LINS1: variants seen among roughly 807,000 people sequenced by gnomAD.
LINS1 encodes the protein protein Lines homolog 1.
LINS1 carries 27 observed loss-of-function variants against 41.6 expected under a neutral mutation model. The observed-to-expected ratio is 0.65, with a 90% CI of 0.48 to 0.89. The LOEUF (loss-of-function observed/expected upper bound fraction) is 0.89, where lower values mean the gene tolerates loss of function less well. LINS1 is among the 40% of genes least tolerant of loss of function. LINS1 has a pLI of 0.00. For missense variants in LINS1, 955 were observed against 884.1 expected (o/e 1.08, Z -1.02); for synonymous variants, 336 against 312.9 (o/e 1.07, Z -0.78).
At chr15:100,572,710 TG>T (rs1263207508) in intron 5 of LINS1, 1 of 986,154 alleles carries the variant, frequency 1.0e-6, no homozygotes, top group African/African-American at 1.7e-5. Context: ...TCACTGAATC[TG>T]TATGCTGCCT....
At chr15:100,572,491 T>C in intron 5 of LINS1, 14 of 1,068,236 alleles carry the variant, frequency 1.3e-5, no homozygotes, top group Non-Finnish European at 1.6e-5. Context: ...TATTTTTTGT[T>C]TGTTTAAAGC....
At chr15:100,571,325 T>C (rs373698792) in intron 6 of LINS1, among the ~76,000 whole-genome samples, 10 of 152,242 alleles carry the variant, frequency 6.6e-5, no homozygotes, top group African/African-American at 2.4e-4. Context: ...ATTAGCTTCA[T>C]AACCAATTAT....
intron 1 of LINS1, among the ~76,000 whole-genome samples, chr15:100,598,668 C>T (rs1463485397): frequency 6.6e-6 from 1 of 152,200 alleles, no homozygotes; most frequent in African/African-American, 2.4e-5. Context: ...CTGTGATGAC[C>T]AAGGTCTGAA....
chr15:100,600,732 T>G (rs1280308550), intron 1 of LINS1, among the ~76,000 whole-genome samples: 1 of 152,122 alleles, frequency 6.6e-6, no homozygotes, highest in Non-Finnish European at 1.5e-5. Context: ...TGCTGGGAAG[T>G]ATAATGGGAC....
rs112481503 is a variant in LINS1, at chr15:100,582,581, T to C, written c.-103-1636A>G. Reference sequence around the variant, plus strand: ...GCCCACTAGCCTAGTCTTGGTCTTATACTGGGTCTTCCATCTACAACATGG... The same window carrying C: ...GCCCACTAGCCTAGTCTTGGTCTTACACTGGGTCTTCCATCTACAACATGG... On this transcript the variant is annotated intron_variant, in intron 1 of 6. Coordinates refer to ENST00000314742, the MANE Select transcript of LINS1 (RefSeq NM_001040616.3). Among the ~76,000 whole-genome samples, 75 of 103,188 alleles carry C rather than the reference T, an allele frequency of 7.3e-4. 1 individual carries two copies. Among genetic ancestry groups the C allele is most frequent in the East Asian group, 2.4e-3 (5 of 2,064 alleles). 67.7% of individuals were successfully genotyped at this position (103,188 alleles called of 152,430 possible). A position where few individuals can be genotyped will look rare whatever the true frequency, so the allele number is the denominator to read the frequency against.
Position 100,572,056 on chromosome 15 carries a change from TG to T in LINS1, c.1231del (p.Gln411ArgfsTer8). Reference sequence around the variant, plus strand: ...GGTCAGTAACTCAGACATGAACCTCTGTAAGTCAACTTCAAAAAATGAAAAT... The same window carrying T: ...GGTCAGTAACTCAGACATGAACCTCTTAAGTCAACTTCAAAAAATGAAAAT... Reference protein sequence around the residue: ...SSASEVKVDLQRFMSELLTFL... With the variant: ...SSASEVKVDLXRFMSELLTFL... On this transcript the variant is annotated frameshift_variant, in exon 6 of 7. Transcript: ENST00000314742. LOFTEE classifies it high-confidence loss of function. 3 of 1,614,196 alleles carry T rather than the reference TG, an allele frequency of 1.9e-6. No homozygotes were observed. Among genetic ancestry groups the T allele is most frequent in the Non-Finnish European group, 2.5e-6 (3 of 1,180,020 alleles).
chr15:100,600,560 A>AAAAAAAAAC (rs2039440867), intron 1 of LINS1, among the ~76,000 whole-genome samples: 1 of 114,436 alleles, frequency 8.7e-6, no homozygotes, highest in Non-Finnish European at 2.0e-5. Context: ...GCAAAAAAAA[A>AAAAAAAAAC]AAAAAAAAAA....
Position 100,573,791 on chromosome 15 carries a change from A to G in LINS1, c.1082T>C (p.Phe361Ser). Residue 361 changes from phenylalanine to serine, a missense_variant, in exon 5 of 7, where the codon TTT becomes TCT. By Grantham distance (155) the Phe-to-Ser change is radical. Coordinates refer to ENST00000314742, the MANE Select transcript of LINS1 (RefSeq NM_001040616.3). Reference sequence around the variant, plus strand: ...AGGTTGAACTTCATCACCTCCAAAAAAGGAATGTTTTTCATAAACAGACAG... The same window carrying G: ...AGGTTGAACTTCATCACCTCCAAAAGAGGAATGTTTTTCATAAACAGACAG... ...KTLSVYEKHS[F>S]FGGDEVQPEC... The G allele has an allele frequency of 6.2e-7, 1 of 1,614,216 alleles. No individual in the cohort carries two copies. The highest frequency in any genetic ancestry group is 8.5e-7 in the Non-Finnish European group (1 of 1,180,032).
chr15:100,575,772 A>G (rs1442669523), intron 3 of LINS1, among the ~76,000 whole-genome samples: 1 of 152,224 alleles, frequency 6.6e-6, no homozygotes, highest in Non-Finnish European at 1.5e-5. Flanking sequence ...ACATAGTTGG[A>G]AGTAAAGCAC....
chr15:100,577,215 T>C (rs1053364927), intron 3 of LINS1, among the ~76,000 whole-genome samples: 10 of 152,138 alleles, frequency 6.6e-5, no homozygotes, highest in African/African-American at 2.2e-4. Context: ...GGTATTCAAC[T>C]AGGAAAAGAG....
chr15:100,589,319 C>T (rs1230646686), intron 1 of LINS1, among the ~76,000 whole-genome samples: 2 of 152,132 alleles, frequency 1.3e-5, no homozygotes, highest in African/African-American at 2.4e-5. Flanking sequence ...CCAAGTAGAA[C>T]AAGAATTAAG....
At chr15:100,596,979 T>C (rs2039276064) in intron 1 of LINS1, 1 of 152,254 alleles carries the variant, frequency 6.6e-6, no homozygotes, top group Admixed American at 6.5e-5. Flanking sequence ...TTCTGGGAAC[T>C]GCCCACCCAT....
rs2037658261 is a variant in LINS1, at chr15:100,569,124, A to G, written c.*114T>C. 6.4e-6 allele frequency: 3 copies of G among 467,690 alleles called. No individual in the cohort carries two copies. Among genetic ancestry groups the G allele is most frequent in the Non-Finnish European group, 6.7e-6 (2 of 296,350 alleles). The allele number at this position is 467,690 out of a possible 1,614,324, so 29.0% of individuals were successfully genotyped here. A position where few individuals can be genotyped will look rare whatever the true frequency, so the allele number is the denominator to read the frequency against. ...AGCGACAGAATGAGATTCTGTCTCA[A>G]AAAAAAAAAAAAAAAAGAAAACCCT... On this transcript the variant is annotated 3_prime_UTR_variant, in exon 7 of 7. Transcript: ENST00000314742.
chr15:100,580,074 A>C (rs2038443231), intron 3 of LINS1, among the ~76,000 whole-genome samples, 189 bp downstream of exon 3: 2 of 152,180 alleles, frequency 1.3e-5, no homozygotes, highest in Non-Finnish European at 2.9e-5. Context: ...CTATAAGAGA[A>C]ACAGGTTAGG....
At chr15:100,596,887 A>G (rs568569981) in intron 1 of LINS1, 1 of 152,324 alleles carries the variant, frequency 6.6e-6, no homozygotes, top group South Asian at 2.1e-4. Context: ...CCCTGGGGAA[A>G]CCGCCCACTC....
intron 1 of LINS1, among the ~76,000 whole-genome samples, chr15:100,595,325 C>A (rs2039198052): frequency 8.6e-6 from 1 of 116,698 alleles, no homozygotes. Flanking sequence ...AAAGAACTCC[C>A]AAAACTCAAC....
At chr15:100,600,694 T>G (rs2039452303) in intron 1 of LINS1, among the ~76,000 whole-genome samples, 1 of 152,062 alleles carries the variant, frequency 6.6e-6, no homozygotes, top group Non-Finnish European at 1.5e-5. Context: ...AAATGGAAAT[T>G]TAGAAAGTTG....
chr15:100,576,394 T>C (rs569796605), intron 3 of LINS1, among the ~76,000 whole-genome samples: 23 of 152,218 alleles, frequency 1.5e-4, no homozygotes, highest in Admixed American at 7.8e-4. Flanking sequence ...ATACTATAAA[T>C]ACCTCTATGC....
intron 3 of LINS1, among the ~76,000 whole-genome samples, chr15:100,576,402 T>C (rs943869164): frequency 2.7e-4 from 41 of 152,294 alleles, no homozygotes; most frequent in Non-Finnish European, 4.7e-4. Context: ...AATACCTCTA[T>C]GCAAATAAAG....
Sources: allele counts gnomAD v4.1 joint callset (sites outside exome capture counted in the v4.1 genomes callset), GRCh38; gene constraint gnomAD v4.1.1; transcripts MANE v1.5; gene names NCBI Gene and HGNC (gene_info 2026-07-23, HGNC 2026-07-21).